The following MAN2A1 variants were observed in gnomAD, a reference collection of about 807,000 sequenced individuals.
MAN2A1 encodes the protein alpha-mannosidase 2.
MAN2A1 carries 76 observed loss-of-function variants against 142.6 expected under a neutral mutation model. The observed-to-expected ratio is 0.53, with a 90% CI of 0.44 to 0.65. The LOEUF (loss-of-function observed/expected upper bound fraction) is 0.65, where lower values mean the gene tolerates loss of function less well. Ranked by LOEUF, MAN2A1 falls within the 30% of genes least tolerant of loss-of-function variation. The probability of loss-of-function intolerance (pLI) is 0.00; values close to 1 mark genes in which losing one functional copy is unlikely to be tolerated. For missense variants in MAN2A1, 1,311 were observed against 1,365.1 expected, an observed-to-expected ratio of 0.96 and a Z score of 0.62; for synonymous variants, 559 against 473.2, an observed-to-expected ratio of 1.18 and a Z score of -2.35.
At chr5:109,799,459 AAAAC>A in intron 12 of MAN2A1, among the ~76,000 whole-genome samples, 1 of 152,332 alleles carries the variant, frequency 6.6e-6, no homozygotes, top group African/African-American at 2.4e-5. Context: ...GGGGTTAAAA[AAAAC>A]AAAAAAGCAG....
At chr5:109,800,088 CAAAAA>C (rs3065546) in intron 12 of MAN2A1, among the ~76,000 whole-genome samples, 3 of 124,108 alleles carry the variant, frequency 2.4e-5, no homozygotes, top group Admixed American at 1.6e-4. Flanking sequence ...ACTGTTGTCT[CAAAAA>C]AAAAAAAAAA....
intron 4 of MAN2A1, among the ~76,000 whole-genome samples, chr5:109,731,945 C>T (rs955961163): frequency 2.6e-5 from 4 of 150,992 alleles, no homozygotes; most frequent in African/African-American, 9.8e-5. Flanking sequence ...ACACTGACTT[C>T]CACGATGGTT....
chr5:109,821,518 C>A (rs967943392), intron 15 of MAN2A1, among the ~76,000 whole-genome samples: 2 of 152,106 alleles, frequency 1.3e-5, no homozygotes, highest in African/African-American at 4.8e-5. Flanking sequence ...TCTAGAAAGA[C>A]TAGGTAAATG....
intron 16 of MAN2A1, among the ~76,000 whole-genome samples, chr5:109,839,816 C>T (rs749727909): frequency 5.9e-5 from 9 of 152,154 alleles, no homozygotes; most frequent in Non-Finnish European, 1.3e-4. Context: ...AAATTCTGAT[C>T]CTAGAGGCTT....
intron 4 of MAN2A1, among the ~76,000 whole-genome samples, chr5:109,747,910 A>G (rs1039169235): frequency 2.6e-5 from 4 of 152,172 alleles, no homozygotes; most frequent in African/African-American, 9.7e-5. Flanking sequence ...GTTTCCTCAC[A>G]TCCTTATCAA....
Position 109,758,461 on chromosome 5 carries a change from C to CA in MAN2A1, c.835+3006dup, listed in dbSNP as rs1284165915. ...ATAGTGATTTACAAATTTATTTTCT[C>CA]ATTCTGTGGTTTTTTCACTTTCTTG... On this transcript the variant is annotated intron_variant, in intron 5 of 21. Coordinates refer to ENST00000261483, the MANE Select transcript of MAN2A1 (RefSeq NM_002372.4). Among the ~76,000 whole-genome samples, 10 of 151,452 alleles carry CA rather than the reference C, an allele frequency of 6.6e-5. No individual in the cohort carries two copies. The East Asian group carries it at 1.9e-3, about 29-fold the overall frequency.
chr5:109,776,186 C>G (rs1162591645), intron 8 of MAN2A1, among the ~76,000 whole-genome samples: 1 of 150,968 alleles, frequency 6.6e-6, no homozygotes, highest in African/African-American at 2.4e-5. Flanking sequence ...TGTGAAAATA[C>G]TATAGAAAGG....
rs760061622 is a variant in MAN2A1, at chr5:109,868,953, G to GA, written c.*1956dup. ...TCAGATGAAATAAAAAAAAAATCTT[G>GA]ATGCAATAACAGTGGTTTTGCCACT... On this transcript the variant is annotated 3_prime_UTR_variant, in exon 22 of 22. Transcript: ENST00000261483. The GA allele has an allele frequency of 1.7e-4, 26 of 152,200 alleles. No homozygotes were observed. Among genetic ancestry groups the GA allele is most frequent in the Middle Eastern group, 3.4e-3 (1 of 294 alleles). The allele number at this position is 152,200 out of a possible 1,614,324, so 9.4% of individuals were successfully genotyped here. A position where few individuals can be genotyped will look rare whatever the true frequency, so the allele number is the denominator to read the frequency against.
intron 10 of MAN2A1, among the ~76,000 whole-genome samples, chr5:109,788,369 A>T (rs546864983): frequency 6.7e-4 from 102 of 151,988 alleles, no homozygotes; most frequent in African/African-American, 2.5e-3. Context: ...AATTTCAGTG[A>T]CCAAAAAATT....
chr5:109,827,998 G>A (rs1052282863), intron 16 of MAN2A1, among the ~76,000 whole-genome samples: 1 of 151,946 alleles, frequency 6.6e-6, no homozygotes, highest in Admixed American at 6.5e-5. Flanking sequence ...CCAGCTATTC[G>A]GGAGACTGAG....
intron 16 of MAN2A1, among the ~76,000 whole-genome samples, chr5:109,835,464 T>G (rs912969228): frequency 6.6e-6 from 1 of 152,234 alleles, no homozygotes; most frequent in African/African-American, 2.4e-5. Context: ...TTTGGAGATT[T>G]ATTTTATGTG....
At chr5:109,865,882 G>C (rs1207462483) in intron 21 of MAN2A1, among the ~76,000 whole-genome samples, 2 of 152,230 alleles carry the variant, frequency 1.3e-5, no homozygotes, top group Non-Finnish European at 2.9e-5. Context: ...ATGACTCAGA[G>C]AAGGCAGCTG....
At chr5:109,755,962 C>G (rs922335786) in intron 5 of MAN2A1, among the ~76,000 whole-genome samples, 1 of 151,244 alleles carries the variant, frequency 6.6e-6, no homozygotes, top group Admixed American at 6.6e-5. Context: ...TCTAGGCAGC[C>G]GAGACTAATT....
rs142406512 is a variant in MAN2A1, at chr5:109,804,083, A to G, written c.1944-13190A>G. ...TAACCCAAAGCAGTTCAGAACATAG[A>G]CTAAAGTGATGTGGCATATTTCAAA... is the stretch of plus-strand genomic sequence containing the variant. On this transcript the variant is annotated intron_variant, in intron 12 of 21. Coordinates refer to ENST00000261483, the MANE Select transcript of MAN2A1 (RefSeq NM_002372.4). 2.6e-3 allele frequency: 1,918 copies of G among 738,972 alleles called. 29 individuals are homozygous for G. The African/African-American group carries it at 0.034, about 13-fold the overall frequency. 45.8% of individuals were successfully genotyped at this position (738,972 alleles called of 1,614,324 possible).
chr5:109,801,101 A>G (rs1561519029), intron 12 of MAN2A1, among the ~76,000 whole-genome samples: 1 of 152,178 alleles, frequency 6.6e-6, no homozygotes, highest in Non-Finnish European at 1.5e-5. Flanking sequence ...CCTTATTACA[A>G]TGGCTTCTGA....
At chr5:109,847,173 T>C (rs930903903) in intron 18 of MAN2A1, among the ~76,000 whole-genome samples, 2 of 152,182 alleles carry the variant, frequency 1.3e-5, no homozygotes, top group Non-Finnish European at 2.9e-5. Context: ...CCTTAAATTC[T>C]CAAAGCTGTG....
At chr5:109,703,058 G>C (rs150700402) in intron 1 of MAN2A1, among the ~76,000 whole-genome samples, 3 of 152,110 alleles carry the variant, frequency 2.0e-5, no homozygotes, top group Non-Finnish European at 4.4e-5. Context: ...AGGTTGAAGG[G>C]GGGTTGATTA....
chr5:109,693,011 C>G (rs1750715785), intron 1 of MAN2A1, among the ~76,000 whole-genome samples: 1 of 152,162 alleles, frequency 6.6e-6, no homozygotes, highest in South Asian at 2.1e-4. Flanking sequence ...TGCTATGCCA[C>G]TCACCTCCTG....
rs909706793 is a variant in MAN2A1 at position 109,783,894 on chromosome 5, C to G, written c.1578-850C>G. Among the ~76,000 whole-genome samples, 3 of 151,752 alleles carry G rather than the reference C, an allele frequency of 2.0e-5. No homozygotes were observed. The East Asian group carries it at 5.8e-4, about 29-fold the overall frequency. ...ACATTTTTTTTTTAAGAGACAGAGT[C>G]TTGCTCTGTTGCCCAGGCTGGAGTG... On this transcript the variant is annotated intron_variant, in intron 9 of 21. Transcript: ENST00000261483.
Sources: allele counts gnomAD v4.1 joint callset (sites outside exome capture counted in the v4.1 genomes callset), GRCh38; gene constraint gnomAD v4.1.1; transcripts MANE v1.5; gene names NCBI Gene and HGNC (gene_info 2026-07-23, HGNC 2026-07-21).